The following ARHGAP26 variants were observed in gnomAD, a reference collection of about 807,000 sequenced individuals.
ARHGAP26 encodes rho GTPase-activating protein 26.
A neutral mutation model predicts 104.8 loss-of-function variants in ARHGAP26; 38 were observed. That is an observed-to-expected ratio of 0.36 (90% CI 0.28 to 0.48). ARHGAP26 has a LOEUF of 0.48. ARHGAP26 is among the 20% of genes least tolerant of loss of function. The probability of loss-of-function intolerance (pLI) is 0.99; values close to 1 mark genes in which losing one functional copy is unlikely to be tolerated. For synonymous variants in ARHGAP26, 341 were observed against 340.0 expected (o/e 1.00, Z -0.03); for missense variants, 704 against 947.9 (o/e 0.74, Z 3.38).
Position 142,785,256 on chromosome 5 carries a change from G to A in ARHGAP26, c.154+14341G>A, listed in dbSNP as rs148546503. 7.2e-5 allele frequency among the ~76,000 whole-genome samples: 11 copies of A among 152,228 alleles called. No homozygotes were observed. In the East Asian group the frequency reaches 1.2e-3, roughly 16 times the overall value. On this transcript the variant is annotated intron_variant, in intron 1 of 22. Transcript: ENST00000645722. ...AGTGTGGCACTCTCCTATCTGCTTC[G>A]TCTCTTGATCTTGTGAAGCCACATA...
At chr5:142,994,582 G>C (rs770470934) in intron 11 of ARHGAP26, among the ~76,000 whole-genome samples, 2 of 152,160 alleles carry the variant, frequency 1.3e-5, no homozygotes, top group Non-Finnish European at 2.9e-5. Flanking sequence ...TCCCAGATGG[G>C]ACTGTTGGGA....
chr5:142,808,544 G>C (rs1184496918), intron 1 of ARHGAP26, among the ~76,000 whole-genome samples: 1 of 151,910 alleles, frequency 6.6e-6, no homozygotes, highest in Non-Finnish European at 1.5e-5. Context: ...AGTCACCAAG[G>C]TACAGAATAA....
At chr5:142,804,049 A>G (rs934621874) in intron 1 of ARHGAP26, among the ~76,000 whole-genome samples, 12 of 152,172 alleles carry the variant, frequency 7.9e-5, no homozygotes, top group African/African-American at 2.9e-4. Context: ...ACATGAGGAG[A>G]CTGAAGCTTA....
intron 1 of ARHGAP26, among the ~76,000 whole-genome samples, chr5:142,835,248 G>A (rs1269249219): frequency 1.3e-5 from 2 of 152,122 alleles, no homozygotes; most frequent in African/African-American, 4.8e-5. Context: ...AAACATTTCT[G>A]GACTTGGAAT....
At chr5:143,148,062 C>T (rs1305632882) in intron 20 of ARHGAP26, among the ~76,000 whole-genome samples, 2 of 152,190 alleles carry the variant, frequency 1.3e-5, no homozygotes, top group African/African-American at 4.8e-5. Flanking sequence ...CACATGCTTC[C>T]TTAGACTACC....
intron 11 of ARHGAP26, among the ~76,000 whole-genome samples, chr5:142,959,088 GA>G (rs1275240928): frequency 4.6e-5 from 7 of 152,112 alleles, no homozygotes; most frequent in African/African-American, 1.2e-4. Context: ...CCCAGAGAAA[GA>G]AAATTCATTT....
At chr5:142,796,026 A>T (rs895742894) in intron 1 of ARHGAP26, among the ~76,000 whole-genome samples, 1 of 151,036 alleles carries the variant, frequency 6.6e-6, no homozygotes, top group African/African-American at 2.4e-5. Flanking sequence ...CATGCTGTAT[A>T]ATTTACTTTG....
intron 7 of ARHGAP26, among the ~76,000 whole-genome samples, chr5:142,902,475 C>T (rs951183855): frequency 2.0e-5 from 3 of 152,222 alleles, no homozygotes; most frequent in African/African-American, 7.2e-5. Flanking sequence ...TCTTGTCCAA[C>T]TCTTAGGAAG....
At position 143,057,603 on chromosome 5, in the gene ARHGAP26, T is replaced by C; in HGVS notation, c.1433-39T>C. The C allele has an allele frequency of 2.6e-6, 4 of 1,549,904 alleles. No homozygotes were observed. In the East Asian group the frequency reaches 6.7e-5, roughly 26 times the overall value. On this transcript the variant is annotated intron_variant, in intron 16 of 22. Coordinates refer to ENST00000645722, the MANE Select transcript of ARHGAP26 (RefSeq NM_001135608.3). Reference sequence around the variant, plus strand: ...TTTCAACCTTAAAGTTGTTTAGCTGTGACACTGATAAGATATTACCTCCCT... The same window carrying C: ...TTTCAACCTTAAAGTTGTTTAGCTGCGACACTGATAAGATATTACCTCCCT...
intron 20 of ARHGAP26, among the ~76,000 whole-genome samples, chr5:143,196,470 C>G (rs1170342184): frequency 1.3e-5 from 2 of 152,176 alleles, no homozygotes; most frequent in Non-Finnish European, 2.9e-5. Context: ...ATTTTCATCA[C>G]CTGATCAGTA....
chr5:143,004,918 A>G (rs953820072), intron 11 of ARHGAP26, among the ~76,000 whole-genome samples: 12 of 152,232 alleles, frequency 7.9e-5, no homozygotes, highest in African/African-American at 2.7e-4. Flanking sequence ...TTCAAGACAT[A>G]TGAAAGTAAT....
At chr5:142,880,787 C>A (rs969979175) in intron 4 of ARHGAP26, among the ~76,000 whole-genome samples, 3 of 152,136 alleles carry the variant, frequency 2.0e-5, no homozygotes, top group Non-Finnish European at 4.4e-5. Flanking sequence ...CACACACACC[C>A]CTGAGTGCAT....
At position 143,227,871 on chromosome 5, in the gene ARHGAP26, G is replaced by C; in HGVS notation, c.*5425G>C. On this transcript the variant is annotated 3_prime_UTR_variant, in exon 23 of 23. Transcript: ENST00000645722. ...GCTTACTGAGGAGAAAAAAAAAAGC[G>C]ATCACAGAAAAATTTCACAGCTAAT... 1.8e-5 allele frequency: 4 copies of C among 220,486 alleles called. No individual in the cohort carries two copies. Among genetic ancestry groups the C allele is most frequent in the Non-Finnish European group, 2.7e-5 (3 of 110,180 alleles). 13.7% of individuals were successfully genotyped at this position (220,486 alleles called of 1,614,324 possible).
At chr5:142,861,915 G>T (rs1314959315) in intron 1 of ARHGAP26, among the ~76,000 whole-genome samples, 3 of 152,128 alleles carry the variant, frequency 2.0e-5, no homozygotes, top group African/African-American at 7.2e-5. Flanking sequence ...ACCATACCTT[G>T]TTTTTCTCTT....
chr5:143,083,994 A>G (rs1790189215), intron 17 of ARHGAP26, among the ~76,000 whole-genome samples: 1 of 152,234 alleles, frequency 6.6e-6, no homozygotes, highest in Non-Finnish European at 1.5e-5. Flanking sequence ...GACACTCTTT[A>G]GTTCTTTCCA....
chr5:142,837,345 TTC>T lies in ARHGAP26; in HGVS notation c.155-36053_155-36052del, dbSNP rs1256288493. On this transcript the variant is annotated intron_variant, in intron 1 of 22. Transcript: ENST00000645722. Reference sequence around the variant, plus strand: ...GAAGGGAAGAAAGATCTTGGCAAAATTCTGTTTTTTTTTTTCACCCTCTCCCT... The same window carrying T: ...GAAGGGAAGAAAGATCTTGGCAAAATTGTTTTTTTTTTTCACCCTCTCCCT... Among the ~76,000 whole-genome samples the T allele has an allele frequency of 2.0e-5, 3 of 150,606 alleles. No homozygotes were observed. In the East Asian group the frequency reaches 5.9e-4, roughly 30 times the overall value.
At chr5:142,809,324 A>G (rs1185258764) in intron 1 of ARHGAP26, among the ~76,000 whole-genome samples, 2 of 152,258 alleles carry the variant, frequency 1.3e-5, no homozygotes, top group Non-Finnish European at 2.9e-5. Context: ...TCTACTGTAA[A>G]TAAAAGTTCC....
chr5:142,993,391 G>A (rs1393679737), intron 11 of ARHGAP26, among the ~76,000 whole-genome samples: 2 of 151,870 alleles, frequency 1.3e-5, no homozygotes, highest in Non-Finnish European at 2.9e-5. Context: ...GGATGGTCTC[G>A]ATCTCCTGAC....
intron 10 of ARHGAP26, among the ~76,000 whole-genome samples, chr5:142,923,108 A>G (rs1468193480): frequency 1.3e-5 from 2 of 150,470 alleles, no homozygotes; most frequent in African/African-American, 4.9e-5. Flanking sequence ...TCTTTTAATT[A>G]AATGAGAGCA....
Sources: gnomAD v4.1 joint callset for allele counts (sites outside exome capture counted in the v4.1 genomes callset) on GRCh38, gnomAD v4.1.1 for gene constraint, MANE v1.5 for transcripts, NCBI Gene and HGNC (gene_info 2026-07-23, HGNC 2026-07-21) for gene names.